The following SIX5 variants were observed in gnomAD, a reference collection of about 807,000 sequenced individuals.
The protein encoded by SIX5 is homeobox protein SIX5.
Under a neutral mutation model 37.1 loss-of-function variants are expected in SIX5, and 21 were observed. The observed-to-expected ratio is 0.57, with a 90% CI of 0.40 to 0.81. SIX5 has a LOEUF of 0.81. Among genes scored for constraint, SIX5 ranks in the 40% least tolerant of loss-of-function variants. The pLI is 0.00. For missense variants in SIX5, 1,137 were observed against 1,025.1 expected, an observed-to-expected ratio of 1.11 and a Z score of -1.49; for synonymous variants, 626 against 505.9, an observed-to-expected ratio of 1.24 and a Z score of -3.19.
chr19:45,765,220 G>A lies in SIX5; in HGVS notation c.*281C>T. ...CAGCTAGTACCAAGTGGAGGGGGCA[G>A]GGCCCCTGAGTCAGGACCCTGAGTC... On this transcript the variant is annotated 3_prime_UTR_variant, in exon 3 of 3. Transcript: ENST00000317578. 1.8e-6 allele frequency: 1 copy of A among 551,288 alleles called. No individual in the cohort carries two copies. The highest frequency in any genetic ancestry group is 2.0e-5 in the South Asian group (1 of 49,916). 34.1% of individuals were successfully genotyped at this position (551,288 alleles called of 1,614,324 possible). A position where few individuals can be genotyped will look rare whatever the true frequency, so the allele number is the denominator to read the frequency against.
rs1969031364 is a variant in SIX5 at position 45,764,833 on chromosome 19, C to T, written c.*668G>A. On this transcript the variant is annotated 3_prime_UTR_variant, in exon 3 of 3. Coordinates refer to ENST00000317578, the MANE Select transcript of SIX5 (RefSeq NM_175875.5). ...ATTTTAATTGAAAATGGAGGCATAA[C>T]ATGTCCTAGAAAAATAAAGATTTAG... 6.4e-6 allele frequency: 1 copy of T among 156,624 alleles called. No homozygotes were observed. The highest frequency in any genetic ancestry group is 1.4e-5 in the Non-Finnish European group (1 of 70,392). The allele number at this position is 156,624 out of a possible 1,614,324, so 9.7% of individuals were successfully genotyped here. A position where few individuals can be genotyped will look rare whatever the true frequency, so the allele number is the denominator to read the frequency against.
Position 45,766,997 on chromosome 19 carries a change from A to T in SIX5, c.962T>A (p.Ile321Asn), listed in dbSNP as rs1281197645. 6.2e-7 allele frequency: 1 copy of T among 1,605,698 alleles called. No homozygotes were observed. Among genetic ancestry groups the T allele is most frequent in the African/African-American group, 1.3e-5 (1 of 74,770 alleles). The change falls in exon 2 of 3, where the codon ATC becomes AAC. Residue 321 changes from isoleucine (I) to asparagine (N), a missense_variant. This residue lies in a region of SIX5 where 787 missense variants were observed against 621.4 expected (regional missense o/e 1.27). Coordinates refer to ENST00000317578, the MANE Select transcript of SIX5 (RefSeq NM_175875.5). ...PPAPCPASSS[I>N]LVNGSFLAAS... ...TGCCAGGAAGCTCCCGTTCACCAGG[A>T]TGGAGGAGGAAGCCGGGCAAGGCGC...
rs1227292585 is a variant in SIX5 at position 45,768,485 on chromosome 19, T to C, written c.360A>G (p.Leu120=). 3 of 1,523,058 alleles carry C rather than the reference T, an allele frequency of 2.0e-6. No homozygotes were observed. The highest frequency in any genetic ancestry group is 2.8e-5 in the African/African-American group (2 of 71,520). The allele number at this position is 1,523,058 out of a possible 1,614,324, so 94.3% of individuals were successfully genotyped here. A position where few individuals can be genotyped will look rare whatever the true frequency, so the allele number is the denominator to read the frequency against. ...CGCGCAACACCGGGTCGCTGCCACG[T>C]AGGCGCTCGGCCGGGGGCAGTGCGC... ...FLGALPPAER[L]RGSDPVLRAR... is the part of the protein sequence containing the mutation. Residue 120 remains leucine (L), a synonymous_variant, in exon 1 of 3, where the codon CTA becomes CTG. Coordinates refer to ENST00000317578, the MANE Select transcript of SIX5 (RefSeq NM_175875.5).
At position 45,766,932 on chromosome 19, in the gene SIX5, CG is replaced by C; in HGVS notation, c.1026del (p.Val343SerfsTer124). The C allele has an allele frequency of 1.3e-6, 2 of 1,567,512 alleles. No individual in the cohort carries two copies. The highest frequency in any genetic ancestry group is 8.6e-7 in the Non-Finnish European group (1 of 1,158,976). ...CCCAGGGCCAGGCCGTTGATGATGA[CG>C]GGGCCCCCGTTGAGGAGCACTGCTG... ...GSPAVLLNGG[P>X]VIINGLALGE... On this transcript the variant is annotated frameshift_variant, in exon 2 of 3. Transcript: ENST00000317578. LOFTEE classifies it high-confidence loss of function.
rs758999148 is a variant in SIX5, at chr19:45,766,338, A to G, written c.1609+12T>C. 110 of 1,571,072 alleles carry G rather than the reference A, an allele frequency of 7.0e-5. No individual in the cohort carries two copies. The highest frequency in any genetic ancestry group is 8.9e-5 in the Non-Finnish European group (103 of 1,159,616). On this transcript the variant is annotated intron_variant, in intron 2 of 2. Coordinates refer to ENST00000317578, the MANE Select transcript of SIX5 (RefSeq NM_175875.5). ...GCTCTCACCTAGGCCTGAGGGAGGG[A>G]GATGGGGGTACCTGGGGCAGTGGCC... is the stretch of plus-strand genomic sequence containing the variant.
In SIX5 at chr19:45,768,507, G is replaced by A; in HGVS notation, c.338C>T (p.Ala113Val). ...ACGTAGGCGCTCGGCCGGGGGCAGT[G>A]CGCCCAGGAAGCGGCTCAAGCGGCC... Reference protein sequence around the residue: ...HAGRLSRFLGALPPAERLRGS... With the variant: ...HAGRLSRFLGVLPPAERLRGS... The change falls in exon 1 of 3, where the codon GCA (alanine) becomes GTA (valine). Residue 113 changes from alanine to valine, a missense_variant. Transcript: ENST00000317578. The A allele has an allele frequency of 6.7e-7, 1 of 1,487,756 alleles. No homozygotes were observed. The highest frequency in any genetic ancestry group is 8.9e-7 in the Non-Finnish European group (1 of 1,126,868). The allele number at this position is 1,487,756 out of a possible 1,614,324, so 92.2% of individuals were successfully genotyped here.
chr19:45,767,392 G>C (rs1969100575), intron 1 of SIX5, among the ~76,000 whole-genome samples: 1 of 152,172 alleles, frequency 6.6e-6, no homozygotes, highest in Admixed American at 6.5e-5. Flanking sequence ...CTCGGCCTCG[G>C]GTCCCCAGAG....
Position 45,768,031 on chromosome 19 carries a change from A to G in SIX5, c.803+11T>C. On this transcript the variant is annotated intron_variant, in intron 1 of 2. Coordinates refer to ENST00000317578, the MANE Select transcript of SIX5 (RefSeq NM_175875.5). Reference sequence around the variant, plus strand: ...GGGAGAGCTGGACTTGCGCCGCCCGAGGCCCCTCACCTCTTGCAGGGCGCG... The same window carrying G: ...GGGAGAGCTGGACTTGCGCCGCCCGGGGCCCCTCACCTCTTGCAGGGCGCG... The G allele has an allele frequency of 6.3e-7, 1 of 1,592,914 alleles. No individual in the cohort carries two copies. Among genetic ancestry groups the G allele is most frequent in the South Asian group, 1.1e-5 (1 of 90,438 alleles).
Position 45,768,298 on chromosome 19 carries a change from C to A in SIX5, c.547G>T (p.Val183Leu). The stretch of plus-strand genomic sequence containing the variant: ...TTCTTGCGCAGTCGATACTTGTCCA[C>A]TGCGCCAAGCGCGCGGCCGCGGGCC... ...ERARGRALGA[V>L]DKYRLRKKFP... Residue 183 changes from valine to leucine, a missense_variant, in exon 1 of 3, where the codon GTG becomes TTG. Around this residue, in one of 3 missense-constraint regions of SIX5, gnomAD observed 331 missense variants for 360.9 expected, o/e 0.92. Coordinates refer to ENST00000317578, the MANE Select transcript of SIX5 (RefSeq NM_175875.5). 1 of 1,611,306 alleles carries A rather than the reference C, an allele frequency of 6.2e-7. No homozygotes were observed.
rs770277803 is a variant in SIX5, at chr19:45,768,351, A to G, written c.494T>C (p.Leu165Pro). 2.5e-6 allele frequency: 4 copies of G among 1,599,558 alleles called. No individual in the cohort carries two copies. Among genetic ancestry groups the G allele is most frequent in the Non-Finnish European group, 8.5e-7 (1 of 1,175,050 alleles). Residue 165 changes from leucine to proline, a missense_variant, in exon 1 of 3, where the codon CTG becomes CCG. Coordinates refer to ENST00000317578, the MANE Select transcript of SIX5 (RefSeq NM_175875.5). ...CTCGGCCTCATGGTAGCGCGCGCGC[A>G]GGTAGAGGTCCTGCAGGAAGGCGTG... ...AHHAFLQDLY[L>P]RARYHEAERA...
chr19:45,767,968 G>T, intron 1 of SIX5, 74 bp downstream of exon 1: 1 of 1,470,422 alleles, frequency 6.8e-7, no homozygotes, highest in Non-Finnish European at 9.2e-7. Context: ...CCCCAGCAGT[G>T]GGCACGGGGG....
At position 45,765,096 on chromosome 19, in the gene SIX5, C is replaced by T. The variant is rs2146204864; in HGVS notation, c.*405G>A. ...TTCGGATTCCAGGCAGTTGTGACAA[C>T]ACCAGCTATCGGCAGAGCTATTAAT... is the stretch of plus-strand genomic sequence containing the variant. On this transcript the variant is annotated 3_prime_UTR_variant, in exon 3 of 3. Coordinates refer to ENST00000317578, the MANE Select transcript of SIX5 (RefSeq NM_175875.5). 2 of 259,378 alleles carry T rather than the reference C, an allele frequency of 7.7e-6. No individual in the cohort carries two copies. Among genetic ancestry groups the T allele is most frequent in the East Asian group, 8.7e-5 (1 of 11,460 alleles). The allele number at this position is 259,378 out of a possible 1,614,324, so 16.1% of individuals were successfully genotyped here. A position where few individuals can be genotyped will look rare whatever the true frequency, so the allele number is the denominator to read the frequency against.
chr19:45,766,424 C>T lies in SIX5; in HGVS notation c.1535G>A (p.Gly512Asp). Reference sequence around the variant, plus strand: ...GTTGATGAGGTGCACATTGGCAGGGCCTGCTGCAGCTGCCACCTTCACAGG... The same window carrying T: ...GTTGATGAGGTGCACATTGGCAGGGTCTGCTGCAGCTGCCACCTTCACAGG... ...GSPVKVAAAA[G>D]PANVHLINSG... Residue 512 changes from glycine (G) to aspartate (D), a missense_variant, in exon 2 of 3, where the codon GGC (glycine) becomes GAC (aspartate). Around this residue, in one of 3 missense-constraint regions of SIX5, gnomAD observed 787 missense variants for 621.4 expected, o/e 1.27. Transcript: ENST00000317578. The T allele has an allele frequency of 6.4e-7, 1 of 1,570,104 alleles. No individual in the cohort carries two copies.
chr19:45,766,449 G>A lies in SIX5; in HGVS notation c.1510C>T (p.Pro504Ser). The change falls in exon 2 of 3, where the codon CCT becomes TCT. Residue 504 changes from proline (P) to serine (S), a missense_variant. Coordinates refer to ENST00000317578, the MANE Select transcript of SIX5 (RefSeq NM_175875.5). Reference protein sequence around the residue: ...LQLLAAGPGSPVKVAAAAGPA... With the variant: ...LQLLAAGPGSSVKVAAAAGPA... Reference sequence around the variant, plus strand: ...CCTGCTGCAGCTGCCACCTTCACAGGGCTGCCTGGCCCGGCTGCCAACAGC... The same window carrying A: ...CCTGCTGCAGCTGCCACCTTCACAGAGCTGCCTGGCCCGGCTGCCAACAGC... 6 of 1,549,024 alleles carry A rather than the reference G, an allele frequency of 3.9e-6. No individual in the cohort carries two copies. The highest frequency in any genetic ancestry group is 4.4e-6 in the Non-Finnish European group (5 of 1,146,362).
intron 1 of SIX5, chr19:45,767,657 G>A: frequency 3.2e-6 from 1 of 313,540 alleles, no homozygotes; most frequent in East Asian, 6.1e-5. Context: ...GAGTGTGGGG[G>A]CGGGTGGGTA....
rs777301311 is a variant in SIX5 at position 45,768,023 on chromosome 19, G to A, written c.803+19C>T. On this transcript the variant is annotated intron_variant, in intron 1 of 2. Coordinates refer to ENST00000317578, the MANE Select transcript of SIX5 (RefSeq NM_175875.5). Reference sequence around the variant, plus strand: ...ATGTCCCCGGGAGAGCTGGACTTGCGCCGCCCGAGGCCCCTCACCTCTTGC... The same window carrying A: ...ATGTCCCCGGGAGAGCTGGACTTGCACCGCCCGAGGCCCCTCACCTCTTGC... The A allele has an allele frequency of 4.4e-6, 7 of 1,590,636 alleles. No individual in the cohort carries two copies. The Admixed American group carries it at 6.7e-5, about 15-fold the overall frequency.
At chr19:45,767,301 C>T in intron 1 of SIX5, 146 bp from the exon 2 acceptor site, 2 of 804,232 alleles carry the variant, frequency 2.5e-6, no homozygotes, top group South Asian at 1.6e-5. Flanking sequence ...CCACTCCAAA[C>T]TCCAGGGCCT....
rs1969046195 is a variant in SIX5 at position 45,765,330 on chromosome 19, A to C, written c.*171T>G. ...AAAGGGGGATGGAGACCTGGACAGG[A>C]GGTGGCCGGGGATACAACCCCCAGC... On this transcript the variant is annotated 3_prime_UTR_variant, in exon 3 of 3. Transcript: ENST00000317578. The C allele has an allele frequency of 1.2e-6, 1 of 869,130 alleles. No homozygotes were observed. The highest frequency in any genetic ancestry group is 1.8e-5 in the Admixed American group (1 of 57,098). The allele number at this position is 869,130 out of a possible 1,614,324, so 53.8% of individuals were successfully genotyped here.
Position 45,766,625 on chromosome 19 carries a change from A to G in SIX5, c.1334T>C (p.Val445Ala), listed in dbSNP as rs1969080559. The G allele has an allele frequency of 4.1e-6, 6 of 1,472,934 alleles. No homozygotes were observed. Among genetic ancestry groups the G allele is most frequent in the Non-Finnish European group, 5.4e-6 (6 of 1,109,302 alleles). The allele number at this position is 1,472,934 out of a possible 1,614,324, so 91.2% of individuals were successfully genotyped here. A position where few individuals can be genotyped will look rare whatever the true frequency, so the allele number is the denominator to read the frequency against. ...AATFPLPPGP[V>A]PAVAAPQVVP... ...CACTTGTGGGGCAGCCACAGCAGGC[A>G]CTGGCCCCGGGGGCAGAGGAAAGGT... The change falls in exon 2 of 3, where the codon GTG becomes GCG. Residue 445 changes from valine to alanine, a missense_variant. By Grantham distance (64) the Val-to-Ala change is moderately conservative. Coordinates refer to ENST00000317578, the MANE Select transcript of SIX5 (RefSeq NM_175875.5).
Sources: allele counts gnomAD v4.1 joint callset (sites outside exome capture counted in the v4.1 genomes callset), GRCh38; gene constraint gnomAD v4.1.1; regional missense constraint gnomAD v4.1.1; transcripts MANE v1.5; gene names NCBI Gene and HGNC (gene_info 2026-07-23, HGNC 2026-07-21).